The following RGS6 variants were observed in gnomAD, a reference collection of about 807,000 sequenced individuals.
The protein encoded by RGS6 is regulator of G-protein signaling 6.
RGS6 carries 30 observed loss-of-function variants against 78.5 expected under a neutral mutation model. The ratio of observed to expected loss-of-function variants is 0.38; its 90% confidence interval spans 0.29 to 0.52. RGS6 has a LOEUF of 0.52. Ranked by LOEUF, RGS6 falls within the 20% of genes least tolerant of loss-of-function variation. The pLI is 0.85. For synonymous variants in RGS6, 206 were observed against 206.0 expected (o/e 1.00, Z 0.00); for missense variants, 495 against 609.7 (o/e 0.81, Z 1.98).
intron 2 of RGS6, among the ~76,000 whole-genome samples, chr14:72,330,326 G>C (rs1220115863): frequency 6.6e-6 from 1 of 152,242 alleles, no homozygotes; most frequent in Non-Finnish European, 1.5e-5. Flanking sequence ...CAAAGGAGCA[G>C]GTATTCCAAG....
At chr14:72,079,273 C>T (rs1325187681) in intron 2 of RGS6, among the ~76,000 whole-genome samples, 2 of 151,924 alleles carry the variant, frequency 1.3e-5, no homozygotes, top group Non-Finnish European at 2.9e-5. Flanking sequence ...TACAGCATGC[C>T]TCTGTTTAAA....
At chr14:71,902,469 G>C in the RGS6 span, among the ~76,000 whole-genome samples, 1 of 152,028 alleles carries the variant, frequency 6.6e-6, no homozygotes, top group African/African-American at 2.4e-5. Context: ...TGTCTCTTGG[G>C]ACATTTTATA....
At chr14:72,425,680 C>CATGT (rs1284967733) in intron 3 of RGS6, among the ~76,000 whole-genome samples, 1 of 152,156 alleles carries the variant, frequency 6.6e-6, no homozygotes, top group African/African-American at 2.4e-5. Flanking sequence ...CAGCCTAGCA[C>CATGT]ATGTACGTAC....
intron 3 of RGS6, among the ~76,000 whole-genome samples, chr14:72,361,047 TC>T (rs1454144924): frequency 6.6e-6 from 1 of 151,318 alleles, no homozygotes; most frequent in Non-Finnish European, 1.5e-5. Flanking sequence ...TCCTGAGGTC[TC>T]CCTAGCCATA....
At chr14:72,239,074 A>T (rs1258832700) in intron 2 of RGS6, among the ~76,000 whole-genome samples, 1 of 152,214 alleles carries the variant, frequency 6.6e-6, no homozygotes, top group Non-Finnish European at 1.5e-5. Flanking sequence ...TTATTTAAAA[A>T]GGCTTTAGAA....
At chr14:72,129,944 C>A (rs1024899425) in intron 2 of RGS6, among the ~76,000 whole-genome samples, 1 of 152,116 alleles carries the variant, frequency 6.6e-6, no homozygotes, top group Non-Finnish European at 1.5e-5. Context: ...ACTCACCATC[C>A]CGACTTAGTA....
chr14:72,087,091 C>A (rs950140722), intron 2 of RGS6, among the ~76,000 whole-genome samples: 31 of 152,136 alleles, frequency 2.0e-4, no homozygotes, highest in African/African-American at 7.5e-4. Context: ...TTGCCTCTTT[C>A]ATCAGATAAG....
the RGS6 span, among the ~76,000 whole-genome samples, chr14:72,612,993 C>CAT: frequency 2.0e-5 from 3 of 148,852 alleles, no homozygotes; most frequent in Non-Finnish European, 3.0e-5. Context: ...TTAAGTAGGG[C>CAT]GTGTGTGTGT....
At chr14:71,958,241 G>C (rs2092939409) in intron 1 of RGS6, among the ~76,000 whole-genome samples, 1 of 152,178 alleles carries the variant, frequency 6.6e-6, no homozygotes, top group Non-Finnish European at 1.5e-5. Context: ...TTATGTAGGT[G>C]ATTTCACAAG....
intron 2 of RGS6, among the ~76,000 whole-genome samples, chr14:72,107,239 AAAAC>A (rs1027688687): frequency 4.0e-5 from 6 of 151,896 alleles, no homozygotes; most frequent in Non-Finnish European, 5.9e-5. Context: ...ATTAAAGAAA[AAAAC>A]AAAAAAAAAA....
At chr14:72,075,326 C>T (rs895300845) in intron 2 of RGS6, among the ~76,000 whole-genome samples, 2 of 152,064 alleles carry the variant, frequency 1.3e-5, no homozygotes, top group Admixed American at 6.5e-5. Flanking sequence ...TTCCTATATT[C>T]ATTTATTTAT....
chr14:72,274,257 A>ATCCTCTGCT (rs2060351486), intron 2 of RGS6, among the ~76,000 whole-genome samples: 2 of 152,324 alleles, frequency 1.3e-5, no homozygotes, highest in African/African-American at 4.8e-5. Context: ...CTCTGAGCTC[A>ATCCTCTGCT]AAGGTAGGCT....
chr14:71,982,942 T>C (rs1408334516), intron 2 of RGS6, among the ~76,000 whole-genome samples: 3 of 152,264 alleles, frequency 2.0e-5, no homozygotes, highest in Non-Finnish European at 4.4e-5. Context: ...ATCCATCTTT[T>C]ATAGCCTTGG....
intron 8 of RGS6, among the ~76,000 whole-genome samples, chr14:72,471,263 G>A (rs534156441): frequency 6.6e-6 from 1 of 152,180 alleles, no homozygotes; most frequent in Non-Finnish European, 1.5e-5. Context: ...CCTCTCTAAG[G>A]AAACATGAGG....
rs188122610 is a variant in RGS6, at chr14:72,566,218, T to C, written c.*3751T>C. ...CCATAAAGTAGCAAAGTAGCAAATG[T>C]AGCAATAAAGGGCCCGGGTCTATAC... On this transcript the variant is annotated 3_prime_UTR_variant, in exon 18 of 18. Coordinates refer to ENST00000553525, the MANE Select transcript of RGS6 (RefSeq NM_001204424.2). 2.0e-5 allele frequency: 3 copies of C among 152,294 alleles called. No homozygotes were observed. The highest frequency in any genetic ancestry group is 1.3e-4 in the Admixed American group (2 of 15,304). 9.4% of individuals were successfully genotyped at this position (152,294 alleles called of 1,614,324 possible). A position where few individuals can be genotyped will look rare whatever the true frequency, so the allele number is the denominator to read the frequency against.
At chr14:72,558,286 T>C (rs1012210633) in intron 17 of RGS6, among the ~76,000 whole-genome samples, 4 of 152,140 alleles carry the variant, frequency 2.6e-5, no homozygotes, top group Non-Finnish European at 5.9e-5. Context: ...TCAGATGTCT[T>C]TACTCTCTTA....
At chr14:72,258,327 G>T (rs140657616) in intron 2 of RGS6, among the ~76,000 whole-genome samples, 19 of 152,312 alleles carry the variant, frequency 1.2e-4, no homozygotes, top group East Asian at 3.9e-4. Flanking sequence ...TCAAACTGGG[G>T]TGTCAGTTCC....
chr14:72,159,998 G>A (rs1016070849), intron 2 of RGS6, among the ~76,000 whole-genome samples: 1 of 152,162 alleles, frequency 6.6e-6, no homozygotes, highest in Non-Finnish European at 1.5e-5. Flanking sequence ...ATAAATTACA[G>A]TTCTTTACAC....
chr14:72,530,978 T>C (rs1305563527), intron 15 of RGS6, among the ~76,000 whole-genome samples: 1 of 61,644 alleles, frequency 1.6e-5, no homozygotes, highest in Non-Finnish European at 2.6e-5. Context: ...CTAGACAGTA[T>C]GCATCTGTAA....
Sources: gnomAD v4.1 joint callset for allele counts (sites outside exome capture counted in the v4.1 genomes callset) on GRCh38, gnomAD v4.1.1 for gene constraint, MANE v1.5 for transcripts, NCBI Gene and HGNC (gene_info 2026-07-23, HGNC 2026-07-21) for gene names.